Variants in RABGAP1L observed in about 807,000 individuals in gnomAD.
RABGAP1L encodes RAB GTPase activating protein 1 like.
In RABGAP1L, 63 loss-of-function variants were observed where a neutral mutation model predicts 137.7. The ratio of observed to expected loss-of-function variants is 0.46; its 90% CI spans 0.37 to 0.56. The LOEUF is 0.56. Among genes scored for constraint, RABGAP1L ranks in the 20% least tolerant of loss-of-function variants. The pLI is 0.00. For missense variants in RABGAP1L, 1,095 were observed against 1,244.0 expected, an observed-to-expected ratio of 0.88 and a Z score of 1.80; for synonymous variants, 431 against 433.7, an observed-to-expected ratio of 0.99 and a Z score of 0.08.
At chr1:174,479,209 A>G (rs1658821989) in intron 13 of RABGAP1L, among the ~76,000 whole-genome samples, 1 of 152,214 alleles carries the variant, frequency 6.6e-6, no homozygotes, top group Non-Finnish European at 1.5e-5. Flanking sequence ...TTGTGATGCC[A>G]CTGCTCCTGG....
chr1:174,344,795 T>G (rs1682292541), intron 11 of RABGAP1L, among the ~76,000 whole-genome samples: 1 of 152,214 alleles, frequency 6.6e-6, no homozygotes, highest in Non-Finnish European at 1.5e-5. Context: ...TAACTTGATG[T>G]GATCCCTTTT....
intron 7 of RABGAP1L, among the ~76,000 whole-genome samples, chr1:174,263,596 G>A (rs1448971645): frequency 6.6e-6 from 1 of 152,052 alleles, no homozygotes; most frequent in Non-Finnish European, 1.5e-5. Context: ...TACTGTCACA[G>A]TAATGGCAAG....
chr1:174,952,576 A>G (rs1196430758), intron 19 of RABGAP1L, among the ~76,000 whole-genome samples: 1 of 151,952 alleles, frequency 6.6e-6, no homozygotes, highest in East Asian at 1.9e-4. Flanking sequence ...TATGTAAGCA[A>G]ATAAATATGT....
chr1:174,300,514 A>G (rs1371777705), intron 10 of RABGAP1L, among the ~76,000 whole-genome samples: 2 of 127,148 alleles, frequency 1.6e-5, no homozygotes, highest in Non-Finnish European at 3.1e-5. Flanking sequence ...GGGTAACAAG[A>G]GTGAAACTCC....
intron 11 of RABGAP1L, among the ~76,000 whole-genome samples, chr1:174,338,501 A>T (rs1220146046): frequency 1.3e-5 from 2 of 150,896 alleles, no homozygotes; most frequent in African/African-American, 4.9e-5. Flanking sequence ...AGAGTTTATT[A>T]TCCTGTTTTT....
intron 13 of RABGAP1L, among the ~76,000 whole-genome samples, chr1:174,603,601 T>G (rs1207187915): frequency 3.3e-5 from 5 of 152,098 alleles, no homozygotes; most frequent in Admixed American, 2.0e-4. Flanking sequence ...TTCCCACTCT[T>G]TTCTCTTCTT....
At chr1:174,873,206 C>G (rs768547542) in intron 19 of RABGAP1L, among the ~76,000 whole-genome samples, 21 of 151,912 alleles carry the variant, frequency 1.4e-4, no homozygotes, top group Non-Finnish European at 2.9e-4. Context: ...GTAGCTGGGA[C>G]TACAGGCACA....
intron 13 of RABGAP1L, chr1:174,547,771 T>C (rs1407366052): frequency 7.7e-7 from 1 of 1,302,250 alleles, no homozygotes. Flanking sequence ...AAATTGACGT[T>C]AGATGCATCA....
chr1:174,702,175 A>C lies in RABGAP1L; in HGVS notation c.2088A>C (p.Ala696=), dbSNP rs1410393437. ...TGAACCTGGAAGCTCATATGTATGC[A>C]TCCCAGTGGTTTCTCACTCTTTTTA... ...SDLNLEAHMY[A]SQWFLTLFTA... is the part of the protein sequence containing the mutation. Residue 696 remains alanine (A), a synonymous_variant, in exon 17 of 26, where the codon GCA becomes GCC. Transcript: ENST00000681986. 1.4e-5 allele frequency: 22 copies of C among 1,612,068 alleles called. No homozygotes were observed. The highest frequency in any genetic ancestry group is 1.8e-5 in the Non-Finnish European group (21 of 1,178,844).
intron 14 of RABGAP1L, among the ~76,000 whole-genome samples, chr1:174,655,769 A>G (rs1266466335): frequency 6.6e-6 from 1 of 152,048 alleles, no homozygotes; most frequent in Non-Finnish European, 1.5e-5. Context: ...TGCTATCATT[A>G]TTTGTTTTGG....
chr1:174,319,408 G>C (rs143725722), intron 11 of RABGAP1L, among the ~76,000 whole-genome samples: 56 of 151,976 alleles, frequency 3.7e-4, no homozygotes, highest in African/African-American at 1.3e-3. Context: ...TACTATTCTT[G>C]GTTATTAATT....
chr1:174,721,864 T>A (rs1384548049), intron 17 of RABGAP1L, among the ~76,000 whole-genome samples: 1 of 152,232 alleles, frequency 6.6e-6, no homozygotes, highest in Non-Finnish European at 1.5e-5. Context: ...TTCTAAATTA[T>A]CAAAGGTTTT....
At chr1:174,550,987 T>TATATATAC (rs1272236064) in intron 13 of RABGAP1L, among the ~76,000 whole-genome samples, 2 of 99,044 alleles carry the variant, frequency 2.0e-5, no homozygotes, top group African/African-American at 7.0e-5. Flanking sequence ...TATATACATA[T>TATATATAC]ATATATATAC....
rs1390422041 is a variant in RABGAP1L at position 174,394,088 on chromosome 1, G to A, written c.1653G>A (p.Leu551=). 6.2e-7 allele frequency: 1 copy of A among 1,613,708 alleles called. No homozygotes were observed. The highest frequency in any genetic ancestry group is 8.5e-7 in the Non-Finnish European group (1 of 1,179,820). ...TGAGGGCAGAGGTATGGCAGTTATT[G>A]GCAGGCTGCCATGACAACCAGGCAA... ...EALRAEVWQL[L]AGCHDNQAML... The change falls in exon 13 of 26, where the codon TTG becomes TTA. Residue 551 remains leucine, a synonymous_variant. Transcript: ENST00000681986.
At chr1:174,597,738 C>T (rs1359938023) in intron 13 of RABGAP1L, among the ~76,000 whole-genome samples, 1 of 151,928 alleles carries the variant, frequency 6.6e-6, no homozygotes, top group Non-Finnish European at 1.5e-5. Context: ...TTTATTTCTG[C>T]TTTCATCTTA....
chr1:174,281,740 T>C (rs1675577306), intron 10 of RABGAP1L, among the ~76,000 whole-genome samples: 1 of 152,190 alleles, frequency 6.6e-6, no homozygotes, highest in Admixed American at 6.5e-5. Context: ...ATTGAGGTAG[T>C]TAGCATACAG....
At chr1:174,288,436 T>G (rs1676266355) in intron 10 of RABGAP1L, among the ~76,000 whole-genome samples, 1 of 152,156 alleles carries the variant, frequency 6.6e-6, no homozygotes, top group African/African-American at 2.4e-5. Context: ...GGGGAAAGTC[T>G]TTCTCTCTTT....
intron 13 of RABGAP1L, among the ~76,000 whole-genome samples, chr1:174,415,993 C>T (rs922918491): frequency 3.6e-4 from 49 of 137,238 alleles, no homozygotes; most frequent in South Asian, 6.7e-4. Context: ...AAATTAAGTA[C>T]TTAAGGAATT....
rs375647532 is a variant in RABGAP1L at position 174,295,683 on chromosome 1, CTT to C, written c.1324-9289_1324-9288del. Among the ~76,000 whole-genome samples, 42 of 139,988 alleles carry C rather than the reference CTT, an allele frequency of 3.0e-4. No individual in the cohort carries two copies. In the Middle Eastern group the frequency reaches 0.011, roughly 36 times the overall value. The allele number at this position is 139,988 out of a possible 152,430, so 91.8% of individuals were successfully genotyped here. A position where few individuals can be genotyped will look rare whatever the true frequency, so the allele number is the denominator to read the frequency against. On this transcript the variant is annotated intron_variant, in intron 10 of 25. Transcript: ENST00000681986. ...ACAGGCATGAGCCACCGCAGCCAGC[CTT>C]TTTTTTTTTTTTTGGTAGCAGTGGG...
Sources: allele counts gnomAD v4.1 joint callset (sites outside exome capture counted in the v4.1 genomes callset), GRCh38; gene constraint gnomAD v4.1.1; transcripts MANE v1.5; gene names NCBI Gene and HGNC (gene_info 2026-07-23, HGNC 2026-07-21).